PAPOLA: variants seen among roughly 807,000 people sequenced by gnomAD.
PAPOLA encodes poly(A) polymerase alpha, also known as polynucleotide adenylyltransferase alpha.
PAPOLA carries 15 observed loss-of-function variants against 100.6 expected under a neutral mutation model. The observed-to-expected ratio is 0.15, with a 90% CI of 0.10 to 0.23. The LOEUF is 0.23. Ranked by LOEUF, PAPOLA falls within the 10% of genes least tolerant of loss-of-function variation. The pLI, the probability that PAPOLA is intolerant of heterozygous loss-of-function variation, is 1.00. For missense variants in PAPOLA, 533 were observed against 884.2 expected, an observed-to-expected ratio of 0.60 and a Z score of 5.04; for synonymous variants, 293 against 300.0, an observed-to-expected ratio of 0.98 and a Z score of 0.24.
intron 15 of PAPOLA, 27 bp downstream of exon 15, chr14:96,544,285 C>A: frequency 9.7e-7 from 1 of 1,031,808 alleles, no homozygotes; most frequent in South Asian, 1.3e-5. Context: ...ATAATCAAAA[C>A]ACTTCAGTTC....
At chr14:96,515,284 T>C (rs1225421061) in intron 1 of PAPOLA, among the ~76,000 whole-genome samples, 5 of 152,194 alleles carry the variant, frequency 3.3e-5, no homozygotes, top group Non-Finnish European at 7.4e-5. Context: ...ATACATTACC[T>C]TGAACCTGTA....
intron 16 of PAPOLA, among the ~76,000 whole-genome samples, chr14:96,551,543 G>C (rs953241092): frequency 2.6e-5 from 4 of 152,086 alleles, no homozygotes; most frequent in Non-Finnish European, 5.9e-5. Flanking sequence ...GTTATTTGGG[G>C]AACTAGAAAG....
intron 16 of PAPOLA, 121 bp from the exon 17 acceptor site, chr14:96,552,359 T>G: frequency 4.4e-6 from 4 of 916,142 alleles, no homozygotes; most frequent in Non-Finnish European, 3.3e-6. Context: ...ACATCTAACT[T>G]TCGTAGATTT....
chr14:96,554,550 A>G (rs1901128259), intron 17 of PAPOLA, among the ~76,000 whole-genome samples: 1 of 152,160 alleles, frequency 6.6e-6, no homozygotes, highest in African/African-American at 2.4e-5. Flanking sequence ...CTACCTCCTC[A>G]TGGTGTCATC....
chr14:96,560,931 A>G (rs942773483), intron 20 of PAPOLA, among the ~76,000 whole-genome samples: 12 of 152,210 alleles, frequency 7.9e-5, no homozygotes. Context: ...AGACAAGATA[A>G]GTCATGAATG....
chr14:96,505,540 A>G (rs1177232753), intron 1 of PAPOLA, among the ~76,000 whole-genome samples: 2 of 152,176 alleles, frequency 1.3e-5, no homozygotes, highest in African/African-American at 4.8e-5. Flanking sequence ...TACCAAAAAG[A>G]GTTACTGCAA....
chr14:96,527,767 C>T (rs906037247), intron 5 of PAPOLA, 186 bp from the exon 6 acceptor site: 1 of 625,890 alleles, frequency 1.6e-6, no homozygotes, highest in African/African-American at 1.8e-5. Flanking sequence ...AATAATCTGG[C>T]CACAATCATA....
intron 1 of PAPOLA, chr14:96,504,373 A>G (rs1896561450): frequency 6.6e-6 from 1 of 152,202 alleles, no homozygotes; most frequent in Non-Finnish European, 1.5e-5. Flanking sequence ...GACCTTAGGT[A>G]TTTCAAATTC....
chr14:96,559,902 A>G (rs1011141376), intron 19 of PAPOLA, among the ~76,000 whole-genome samples: 6 of 152,012 alleles, frequency 3.9e-5, no homozygotes, highest in African/African-American at 1.4e-4. Flanking sequence ...TTAATAATCC[A>G]TAGTTTTACA....
chr14:96,564,946 C>T lies in PAPOLA; in HGVS notation c.2143-9C>T, dbSNP rs775016161. 1.0e-5 allele frequency: 14 copies of T among 1,406,910 alleles called. No individual in the cohort carries two copies. In the South Asian group the frequency reaches 1.4e-4, roughly 14 times the overall value. 87.2% of individuals were successfully genotyped at this position (1,406,910 alleles called of 1,614,324 possible). A position where few individuals can be genotyped will look rare whatever the true frequency, so the allele number is the denominator to read the frequency against. On this transcript the variant is annotated splice_polypyrimidine_tract_variant and intron_variant, in intron 21 of 21. Transcript: ENST00000216277. ...TGAACAATGTTGTGTTCTTTGCTTT[C>T]ATTCTCAGAAAACATCCAGTACAGA... is the stretch of plus-strand genomic sequence containing the variant.
rs892938592 is a variant in PAPOLA, at chr14:96,534,419, G to A, written c.837-72G>A. The A allele has an allele frequency of 1.0e-5, 16 of 1,578,664 alleles. No homozygotes were observed. In the Admixed American group the frequency reaches 2.9e-4, roughly 29 times the overall value. ...AAGAAGGATCACGTTCACAAATGCT[G>A]TATGTTTAACAAAATACGTTTAGAT... On this transcript the variant is annotated intron_variant, in intron 9 of 21. Coordinates refer to ENST00000216277, the MANE Select transcript of PAPOLA (RefSeq NM_032632.5).
chr14:96,530,417 G>T (rs1242511738), intron 6 of PAPOLA, among the ~76,000 whole-genome samples: 1 of 149,308 alleles, frequency 6.7e-6, no homozygotes, highest in Non-Finnish European at 1.5e-5. Context: ...CTGAGGCAGG[G>T]TCTTACTTTA....
At chr14:96,554,839 G>C (rs1901159255) in intron 17 of PAPOLA, among the ~76,000 whole-genome samples, 1 of 152,100 alleles carries the variant, frequency 6.6e-6, no homozygotes, top group East Asian at 1.9e-4. Context: ...CATAGATTGG[G>C]CTTTTTTATA....
In PAPOLA at chr14:96,542,858, C is replaced by G. The variant is rs1201937757; in HGVS notation, c.1254C>G (p.Pro418=). 2 of 1,611,944 alleles carry G rather than the reference C, an allele frequency of 1.2e-6. No homozygotes were observed. Among genetic ancestry groups the G allele is most frequent in the Admixed American group, 1.7e-5 (1 of 59,558 alleles). The stretch of plus-strand genomic sequence containing the variant: ...TTATTACACTGGCTCATGTGAATCC[C>G]CAGTCATTTCCAGCACCCAAAGAAA... The part of the protein sequence containing the change: ...NEFITLAHVN[P]QSFPAPKENP... The change falls in exon 14 of 22, where the codon CCC becomes CCG. Residue 418 remains proline (P), a synonymous_variant. Coordinates refer to ENST00000216277, the MANE Select transcript of PAPOLA (RefSeq NM_032632.5).
At chr14:96,512,468 G>T (rs2140235690) in intron 1 of PAPOLA, among the ~76,000 whole-genome samples, 1 of 152,314 alleles carries the variant, frequency 6.6e-6, no homozygotes, top group South Asian at 2.1e-4. Context: ...TATAGGCTAT[G>T]ATATCAGCTA....
At chr14:96,523,083 A>G (rs1274319924) in intron 3 of PAPOLA, among the ~76,000 whole-genome samples, 3 of 152,184 alleles carry the variant, frequency 2.0e-5, no homozygotes, top group African/African-American at 4.8e-5. Flanking sequence ...TAAATTATGG[A>G]CTTTACGTAC....
At chr14:96,529,462 C>G (rs556881991) in intron 6 of PAPOLA, among the ~76,000 whole-genome samples, 2 of 151,788 alleles carry the variant, frequency 1.3e-5, no homozygotes, top group African/African-American at 2.4e-5. Context: ...GTGGCTCATG[C>G]CTGTAATCCC....
chr14:96,513,774 G>T (rs1010228814), intron 1 of PAPOLA, among the ~76,000 whole-genome samples: 1 of 152,116 alleles, frequency 6.6e-6, no homozygotes, highest in Non-Finnish European at 1.5e-5. Flanking sequence ...TATGTATTCA[G>T]ACTGTTGCTG....
chr14:96,564,490 G>A (rs1902123570), intron 21 of PAPOLA, among the ~76,000 whole-genome samples: 1 of 151,978 alleles, frequency 6.6e-6, no homozygotes, highest in Admixed American at 6.6e-5. Context: ...TTGCTTAGCT[G>A]TATATATTTG....
Sources: allele counts gnomAD v4.1 joint callset (sites outside exome capture counted in the v4.1 genomes callset), GRCh38; gene constraint gnomAD v4.1.1; transcripts MANE v1.5; gene names NCBI Gene and HGNC (gene_info 2026-07-23, HGNC 2026-07-21).